UNC5D: variants seen among roughly 807,000 people sequenced by gnomAD.
The protein encoded by UNC5D is unc-5 netrin receptor D.
In UNC5D, 39 loss-of-function variants were observed where a neutral mutation model predicts 105.4. The observed-to-expected ratio is 0.37, with a 90% CI of 0.29 to 0.48. UNC5D has a LOEUF of 0.48. Among genes scored for constraint, UNC5D ranks in the 20% least tolerant of loss-of-function variants. The probability of loss-of-function intolerance (pLI) is 0.98; values close to 1 mark genes in which losing one functional copy is unlikely to be tolerated. For synonymous variants in UNC5D, 452 were observed against 450.4 expected, an observed-to-expected ratio of 1.00 and a Z score of -0.04; for missense variants, 991 against 1,202.4, an observed-to-expected ratio of 0.82 and a Z score of 2.60.
At chr8:35,493,668 A>G (rs1267668602) in intron 1 of UNC5D, among the ~76,000 whole-genome samples, 3 of 152,196 alleles carry the variant, frequency 2.0e-5, no homozygotes, top group Admixed American at 6.6e-5. Context: ...ATATGAAATA[A>G]TAATATTGAA....
intron 3 of UNC5D, among the ~76,000 whole-genome samples, chr8:35,586,299 G>A (rs2130862165): frequency 6.6e-6 from 1 of 152,236 alleles, no homozygotes; most frequent in Admixed American, 6.5e-5. Flanking sequence ...ATAATACATA[G>A]ATCTAAGCAA....
intron 1 of UNC5D, among the ~76,000 whole-genome samples, chr8:35,336,163 G>T (rs1352839570): frequency 1.3e-5 from 2 of 152,128 alleles, no homozygotes; most frequent in Admixed American, 6.5e-5. Flanking sequence ...TATACGGAGA[G>T]TCAGTGACAG....
At chr8:35,515,688 A>T (rs966101213) in intron 1 of UNC5D, among the ~76,000 whole-genome samples, 3 of 152,226 alleles carry the variant, frequency 2.0e-5, no homozygotes, top group Admixed American at 1.3e-4. Context: ...CTGTCTCAAA[A>T]AACAAACAAA....
At chr8:35,452,991 T>C (rs899799796) in intron 1 of UNC5D, among the ~76,000 whole-genome samples, 2 of 152,148 alleles carry the variant, frequency 1.3e-5, no homozygotes, top group African/African-American at 4.8e-5. Context: ...CAAAAAAAGT[T>C]GTTTAGTGTG....
At chr8:35,744,086 G>A (rs1829892386) in intron 11 of UNC5D, among the ~76,000 whole-genome samples, 1 of 152,190 alleles carries the variant, frequency 6.6e-6, no homozygotes, top group African/African-American at 2.4e-5. Context: ...TCATGACATT[G>A]ACAGCTTTGA....
chr8:35,419,361 C>T (rs1805736943), intron 1 of UNC5D, among the ~76,000 whole-genome samples: 1 of 152,166 alleles, frequency 6.6e-6, no homozygotes, highest in Non-Finnish European at 1.5e-5. Flanking sequence ...AGGCTGCACT[C>T]AGCTCGCACT....
chr8:35,313,464 C>T (rs1585560955), intron 1 of UNC5D, among the ~76,000 whole-genome samples: 1 of 152,140 alleles, frequency 6.6e-6, no homozygotes, highest in Non-Finnish European at 1.5e-5. Flanking sequence ...TTTCCAATTC[C>T]ATATGGAAGT....
chr8:35,611,900 T>C (rs530366373), intron 4 of UNC5D, among the ~76,000 whole-genome samples: 1 of 152,352 alleles, frequency 6.6e-6, no homozygotes, highest in South Asian at 2.1e-4. Context: ...TTTTAATGGT[T>C]TTCCACAGAT....
At chr8:35,495,458 C>CAAAAAAAAAA (rs71547636) in intron 1 of UNC5D, among the ~76,000 whole-genome samples, 110 of 44,518 alleles carry the variant, frequency 2.5e-3, no homozygotes, top group East Asian at 3.3e-3. Flanking sequence ...ACAACAACAA[C>CAAAAAAAAAA]AAAAAAAAAA....
intron 2 of UNC5D, among the ~76,000 whole-genome samples, chr8:35,562,454 G>T (rs1164141143): frequency 2.0e-5 from 3 of 151,912 alleles, no homozygotes; most frequent in Admixed American, 2.0e-4. Context: ...CCCAAAAATG[G>T]TGTATGAGGG....
At chr8:35,763,531 TC>T (rs1801638957) in intron 14 of UNC5D, among the ~76,000 whole-genome samples, 1 of 151,328 alleles carries the variant, frequency 6.6e-6, no homozygotes, top group African/African-American at 2.4e-5. Context: ...AAGAGCTGGA[TC>T]TTGAGTACGG....
intron 11 of UNC5D, among the ~76,000 whole-genome samples, chr8:35,740,756 T>G (rs1489421240): frequency 6.6e-6 from 1 of 152,154 alleles, no homozygotes; most frequent in Non-Finnish European, 1.5e-5. Flanking sequence ...AACAGAGTAG[T>G]AGACTGTGGT....
chr8:35,386,403 G>A (rs866475136), intron 1 of UNC5D, among the ~76,000 whole-genome samples: 15 of 152,104 alleles, frequency 9.9e-5, no homozygotes, highest in Admixed American at 2.6e-4. Flanking sequence ...TCAATCGGTT[G>A]ACTTTCTAAA....
intron 1 of UNC5D, among the ~76,000 whole-genome samples, chr8:35,442,041 G>A (rs550685273): frequency 6.6e-6 from 1 of 151,986 alleles, no homozygotes; most frequent in African/African-American, 2.4e-5. Context: ...TGTACAACCT[G>A]TACAGCTGAT....
At chr8:35,516,101 T>C (rs1275695321) in intron 1 of UNC5D, among the ~76,000 whole-genome samples, 1 of 152,196 alleles carries the variant, frequency 6.6e-6, no homozygotes, top group African/African-American at 2.4e-5. Flanking sequence ...ACTTAAATAT[T>C]GCCTACCCAT....
At chr8:35,478,543 G>A (rs1208276350) in intron 1 of UNC5D, among the ~76,000 whole-genome samples, 9 of 152,122 alleles carry the variant, frequency 5.9e-5, no homozygotes, top group Admixed American at 5.2e-4. Context: ...AGCCCTTGCT[G>A]ACTTGGTGCT....
chr8:35,453,611 A>C (rs1444082856), intron 1 of UNC5D, among the ~76,000 whole-genome samples: 3 of 152,200 alleles, frequency 2.0e-5, no homozygotes, highest in Non-Finnish European at 4.4e-5. Context: ...GGGAAAAGAG[A>C]AGAGAAAGTC....
intron 1 of UNC5D, among the ~76,000 whole-genome samples, chr8:35,495,791 T>G (rs1811545944): frequency 6.6e-6 from 1 of 152,190 alleles, no homozygotes. Flanking sequence ...CCCTATTTTT[T>G]GATCCTCCTA....
rs1339138456 is a variant in UNC5D, at chr8:35,305,577, T to TTCTC, written c.103+69691_103+69692insCTCT. On this transcript the variant is annotated intron_variant, in intron 1 of 16. Transcript: ENST00000404895. ...TCTCTTCCTTCCTTTCTTTCTTTCT[T>TTCTC]TTTCTTTCTTTCTTTCTTTCTTTCT... Among the ~76,000 whole-genome samples the TTCTC allele has an allele frequency of 2.2e-3, 120 of 54,022 alleles. 1 individual carries two copies. The highest frequency in any genetic ancestry group is 7.2e-3 in the African/African-American group (110 of 15,276). 35.4% of individuals were successfully genotyped at this position (54,022 alleles called of 152,430 possible). A position where few individuals can be genotyped will look rare whatever the true frequency, so the allele number is the denominator to read the frequency against.
Sources: gnomAD v4.1 joint callset for allele counts (sites outside exome capture counted in the v4.1 genomes callset) on GRCh38, gnomAD v4.1.1 for gene constraint, MANE v1.5 for transcripts, NCBI Gene and HGNC (gene_info 2026-07-23, HGNC 2026-07-21) for gene names.